Variants in RGS5 observed in about 807,000 individuals in gnomAD.
RGS5 encodes the protein regulator of G protein signaling 5.
In RGS5, 20 loss-of-function variants were observed where a neutral mutation model predicts 18.9. That is an observed-to-expected ratio of 1.06 (90% CI 0.74 to 1.54). The LOEUF is 1.54. Ranked by LOEUF, RGS5 falls within the 40% of genes most tolerant of loss-of-function variation. The probability of loss-of-function intolerance (pLI) is 0.00; values close to 1 mark genes in which losing one functional copy is unlikely to be tolerated. For synonymous variants in RGS5, 57 were observed against 76.2 expected, an observed-to-expected ratio of 0.75 and a Z score of 1.31; for missense variants, 201 against 211.8, an observed-to-expected ratio of 0.95 and a Z score of 0.32.
At chr1:163,298,083 T>C (rs1314609871) in intron 2 of RGS5, among the ~76,000 whole-genome samples, 1 of 150,688 alleles carries the variant, frequency 6.6e-6, no homozygotes, top group East Asian at 1.9e-4. Flanking sequence ...CCTTGTTTGA[T>C]ATAACAAATA....
At chr1:163,311,535 G>A (rs185766670) in intron 1 of RGS5, among the ~76,000 whole-genome samples, 1 of 152,218 alleles carries the variant, frequency 6.6e-6, no homozygotes, top group East Asian at 1.9e-4. Context: ...TCTTTCACTT[G>A]AAGGCTTGGA....
At chr1:163,207,434 C>G (rs1659977892), upstream of RGS5, among the ~76,000 whole-genome samples, 1 of 152,108 alleles carries the variant, frequency 6.6e-6, no homozygotes, top group Non-Finnish European at 1.5e-5. Flanking sequence ...ACAGTCAGAC[C>G]AATTTAGACT....
intron 1 of RGS5, among the ~76,000 whole-genome samples, chr1:163,192,214 T>C (rs1557898933): frequency 6.6e-6 from 1 of 152,224 alleles, no homozygotes; most frequent in Admixed American, 6.5e-5. Flanking sequence ...CCCCAATTTA[T>C]AGCTGAACTT....
intron 1 of RGS5, among the ~76,000 whole-genome samples, chr1:163,189,220 T>TA (rs371544490): frequency 1.2e-3 from 182 of 152,262 alleles, no homozygotes; most frequent in African/African-American, 4.2e-3. Flanking sequence ...GTGGCAAAAT[T>TA]AAATGACAAT....
At chr1:163,256,070 T>C (rs1286858449) in intron 2 of RGS5, among the ~76,000 whole-genome samples, 1 of 152,180 alleles carries the variant, frequency 6.6e-6, no homozygotes, top group Non-Finnish European at 1.5e-5. Flanking sequence ...ATGCCCTCTC[T>C]CACCACTCCT....
chr1:163,165,381 CTA>C (rs1557885499), intron 2 of RGS5, among the ~76,000 whole-genome samples: 3 of 152,170 alleles, frequency 2.0e-5, no homozygotes, highest in African/African-American at 7.2e-5. Flanking sequence ...ATATGAATAT[CTA>C]TATCAGCTCC....
chr1:163,252,168 G>T (rs1345746679), intron 2 of RGS5, among the ~76,000 whole-genome samples: 2 of 152,004 alleles, frequency 1.3e-5, no homozygotes, highest in Non-Finnish European at 2.9e-5. Flanking sequence ...CCAACACTTG[G>T]TATTGCATGT....
At chr1:163,207,666 T>A (rs1659981397), upstream of RGS5, among the ~76,000 whole-genome samples, 2 of 152,228 alleles carry the variant, frequency 1.3e-5, no homozygotes, top group African/African-American at 4.8e-5. Context: ...TCTGGCTTTT[T>A]AATATTGGTG....
At chr1:163,216,876 A>G (rs1660230618) in intron 1 of RGS5, among the ~76,000 whole-genome samples, 1 of 152,234 alleles carries the variant, frequency 6.6e-6, no homozygotes, top group South Asian at 2.1e-4. Context: ...CGACCTCGCC[A>G]ACTAAACTTC....
intron 2 of RGS5, among the ~76,000 whole-genome samples, chr1:163,163,899 T>C (rs1028198600): frequency 1.3e-5 from 2 of 152,178 alleles, no homozygotes; most frequent in Non-Finnish European, 2.9e-5. Context: ...CTCTGGTTAG[T>C]ATAGAGGAGC....
intron 2 of RGS5, among the ~76,000 whole-genome samples, chr1:163,294,038 G>A (rs1649360547): frequency 6.6e-6 from 1 of 152,192 alleles, no homozygotes; most frequent in Admixed American, 6.5e-5. Flanking sequence ...CTTTCCATGG[G>A]CTGGCATTGA....
intron 4 of RGS5, among the ~76,000 whole-genome samples, chr1:163,151,426 T>G (rs995636104): frequency 6.6e-6 from 1 of 152,168 alleles, no homozygotes; most frequent in South Asian, 2.1e-4. Flanking sequence ...GAAATACTCA[T>G]TAGGCATTAA....
At chr1:163,257,540 A>G (rs566878743) in intron 2 of RGS5, among the ~76,000 whole-genome samples, 2 of 152,242 alleles carry the variant, frequency 1.3e-5, no homozygotes, top group East Asian at 3.9e-4. Flanking sequence ...CTTTTTTCAC[A>G]CATTTAAAAT....
chr1:163,219,101 T>A (rs1364680664), upstream of RGS5, among the ~76,000 whole-genome samples: 1 of 145,248 alleles, frequency 6.9e-6, no homozygotes, highest in Non-Finnish European at 1.5e-5. Flanking sequence ...ATATTTTATG[T>A]ATTTGTCTTA....
At chr1:163,266,264 C>A (rs1648570210) in intron 2 of RGS5, among the ~76,000 whole-genome samples, 1 of 152,250 alleles carries the variant, frequency 6.6e-6, no homozygotes, top group Admixed American at 6.5e-5. Flanking sequence ...TCATCAAATC[C>A]TATATATGTT....
upstream of RGS5, among the ~76,000 whole-genome samples, chr1:163,222,212 A>T (rs1248204057): frequency 6.6e-6 from 1 of 152,102 alleles, no homozygotes; most frequent in Non-Finnish European, 1.5e-5. Flanking sequence ...GTGGCAGGTG[A>T]GTGAGTATTA....
intron 2 of RGS5, among the ~76,000 whole-genome samples, chr1:163,294,044 AT>A (rs1275828712): frequency 3.3e-5 from 5 of 152,148 alleles, no homozygotes; most frequent in African/African-American, 1.2e-4. Flanking sequence ...ATGGGCTGGC[AT>A]TGAGTGCCTG....
At chr1:163,313,356 C>T (rs1156356623) in intron 1 of RGS5, among the ~76,000 whole-genome samples, 1 of 152,110 alleles carries the variant, frequency 6.6e-6, no homozygotes, top group Non-Finnish European at 1.5e-5. Context: ...CTAGAGGCAA[C>T]TGCAATCAAC....
intron 2 of RGS5, among the ~76,000 whole-genome samples, chr1:163,224,870 C>T (rs369381149): frequency 2.6e-5 from 4 of 152,068 alleles, no homozygotes; most frequent in African/African-American, 7.2e-5. Context: ...ATATTTTGGC[C>T]ATCAGACTTT....
Sources: gnomAD v4.1 joint callset for allele counts (sites outside exome capture counted in the v4.1 genomes callset) on GRCh38, gnomAD v4.1.1 for gene constraint, MANE v1.5 for transcripts, NCBI Gene and HGNC (gene_info 2026-07-23, HGNC 2026-07-21) for gene names.